The following TBC1D15 variants were observed in gnomAD, a reference collection of about 807,000 sequenced individuals.
TBC1D15 encodes GAP for RAB7.
In TBC1D15, 39 loss-of-function variants were observed where a neutral mutation model predicts 95.4. The ratio of observed to expected loss-of-function variants is 0.41; its 90% CI spans 0.32 to 0.53. The LOEUF is 0.53. Ranked by LOEUF, TBC1D15 falls within the 20% of genes least tolerant of loss-of-function variation. The pLI is 0.29. For missense variants in TBC1D15, 733 were observed against 794.3 expected (o/e 0.92, Z 0.93); for synonymous variants, 258 against 261.3 (o/e 0.99, Z 0.12).
chr12:71,889,376 A>G (rs958394953), intron 5 of TBC1D15, among the ~76,000 whole-genome samples: 11 of 152,112 alleles, frequency 7.2e-5, no homozygotes, highest in African/African-American at 2.7e-4. Flanking sequence ...GAAATGTGTA[A>G]AAACAGTGCA....
chr12:71,895,480 T>C (rs1284206524), intron 7 of TBC1D15, among the ~76,000 whole-genome samples: 1 of 152,064 alleles, frequency 6.6e-6, no homozygotes, highest in Non-Finnish European at 1.5e-5. Flanking sequence ...CTATAGAAAA[T>C]GCCGAGTGAA....
chr12:71,881,696 T>A (rs926756664), intron 4 of TBC1D15, among the ~76,000 whole-genome samples: 2 of 151,866 alleles, frequency 1.3e-5, no homozygotes, highest in Non-Finnish European at 2.9e-5. Flanking sequence ...GGCAGGCGGA[T>A]CACGAGGTCA....
Position 71,839,765 on chromosome 12 carries a change from A to G in TBC1D15, c.-17A>G. On this transcript the variant is annotated 5_prime_UTR_variant, in exon 1 of 17. Transcript: ENST00000485960. ...CGTGAGGTTCTGCTACGTCATTACC[A>G]GGCACGCGCAGGAAACATGGCGGCG... 6.2e-7 allele frequency: 1 copy of G among 1,614,132 alleles called. No individual in the cohort carries two copies. Among genetic ancestry groups the G allele is most frequent in the Non-Finnish European group, 8.5e-7 (1 of 1,180,020 alleles).
At chr12:71,865,172 A>G (rs996923143) in intron 1 of TBC1D15, among the ~76,000 whole-genome samples, 5 of 152,054 alleles carry the variant, frequency 3.3e-5, no homozygotes, top group Non-Finnish European at 5.9e-5. Flanking sequence ...TTATAAACCT[A>G]TTTTGTCATC....
intron 1 of TBC1D15, among the ~76,000 whole-genome samples, chr12:71,842,691 TGTG>T (rs1193282496): frequency 6.6e-6 from 1 of 151,530 alleles, no homozygotes; most frequent in Admixed American, 6.6e-5. Context: ...ATTAGCTAGT[TGTG>T]GTGACATGTG....
At chr12:71,848,078 CA>C (rs1383454333) in intron 1 of TBC1D15, among the ~76,000 whole-genome samples, 1 of 152,154 alleles carries the variant, frequency 6.6e-6, no homozygotes, top group South Asian at 2.1e-4. Flanking sequence ...GCCTGGGCAA[CA>C]AGAGCGAAAC....
Position 71,923,064 on chromosome 12 carries a change from G to A in TBC1D15, c.1885G>A (p.Glu629Lys), listed in dbSNP as rs375875620. ...TTPDSDVGED[E>K]NVVMTPCPTS... The stretch of plus-strand genomic sequence containing the variant: ...ACCAGATTCAGACGTTGGTGAAGAC[G>A]AAAATGTTGTCATGACTCCTTGTCC... The change falls in exon 17 of 17, where the codon GAA becomes AAA. Residue 629 changes from glutamate to lysine, a missense_variant. Physicochemically the swap from Glu to Lys is moderately conservative, Grantham distance 56. Coordinates refer to ENST00000485960, the MANE Select transcript of TBC1D15 (RefSeq NM_001146213.3). 3.1e-6 allele frequency: 5 copies of A among 1,614,198 alleles called. No individual in the cohort carries two copies. The highest frequency in any genetic ancestry group is 3.4e-6 in the Non-Finnish European group (4 of 1,180,038).
At chr12:71,906,526 T>C (rs2138885824) in intron 10 of TBC1D15, among the ~76,000 whole-genome samples, 1 of 152,228 alleles carries the variant, frequency 6.6e-6, no homozygotes, top group East Asian at 1.9e-4. Context: ...TAATTTGTCC[T>C]AAAGATGATT....
intron 1 of TBC1D15, among the ~76,000 whole-genome samples, chr12:71,860,440 T>C (rs1890131523): frequency 6.6e-6 from 1 of 152,244 alleles, no homozygotes; most frequent in Admixed American, 6.5e-5. Flanking sequence ...TTTGTAGTTA[T>C]TCTTGTACAG....
At chr12:71,861,477 T>G (rs1038670859) in intron 1 of TBC1D15, 2 of 1,538,162 alleles carry the variant, frequency 1.3e-6, no homozygotes, top group Non-Finnish European at 1.7e-6. Context: ...TCCAGTTTGT[T>G]GGAGTATGGT....
At chr12:71,916,553 G>T (rs1903752520) in intron 12 of TBC1D15, among the ~76,000 whole-genome samples, 1 of 152,104 alleles carries the variant, frequency 6.6e-6, no homozygotes, top group Admixed American at 6.6e-5. Flanking sequence ...TTTTTTTTAA[G>T]AATGAATTGT....
Position 71,923,248 on chromosome 12 carries a change from C to A in TBC1D15, c.*44C>A. ...TGGGAAGAGACACTTTGTTGCAACC[C>A]TTTTTCAAGTACTTGAAAGTTGAAA... On this transcript the variant is annotated 3_prime_UTR_variant, in exon 17 of 17. Coordinates refer to ENST00000485960, the MANE Select transcript of TBC1D15 (RefSeq NM_001146213.3). The A allele has an allele frequency of 6.3e-7, 1 of 1,586,318 alleles. No individual in the cohort carries two copies. The highest frequency in any genetic ancestry group is 8.6e-7 in the Non-Finnish European group (1 of 1,157,978).
intron 13 of TBC1D15, 26 bp from the exon 14 acceptor site, chr12:71,918,423 CAT>C (rs1904211560): frequency 5.0e-6 from 7 of 1,387,230 alleles, no homozygotes; most frequent in Admixed American, 2.0e-5. Context: ...AAGAGTAAGT[CAT>C]ATGTGTGTTT....
rs143938459 is a variant in TBC1D15, at chr12:71,915,343, C to T, written c.1401+1417C>T. Among the ~76,000 whole-genome samples, 89 of 150,870 alleles carry T rather than the reference C, an allele frequency of 5.9e-4. No homozygotes were observed. In the East Asian group the frequency reaches 0.014, roughly 24 times the overall value. Reference sequence around the variant, plus strand: ...ATATCTTGTTTCACTGGTAGCATACCAGAATTTTCCTAATGCCTGACATGA... The same window carrying T: ...ATATCTTGTTTCACTGGTAGCATACTAGAATTTTCCTAATGCCTGACATGA... On this transcript the variant is annotated intron_variant, in intron 12 of 16. Transcript: ENST00000485960.
intron 5 of TBC1D15, among the ~76,000 whole-genome samples, chr12:71,886,558 T>C (rs140809208): frequency 7.9e-5 from 12 of 152,352 alleles, no homozygotes; most frequent in Non-Finnish European, 1.6e-4. Flanking sequence ...TAAATTTAGA[T>C]TACATAAGGC....
chr12:71,874,662 G>A (rs1302273645), intron 3 of TBC1D15, among the ~76,000 whole-genome samples: 27 of 134,322 alleles, frequency 2.0e-4, no homozygotes, highest in African/African-American at 5.8e-4. Context: ...TTGCTCTGTC[G>A]CCCAGGCTGG....
intron 1 of TBC1D15, among the ~76,000 whole-genome samples, chr12:71,858,488 CTTT>C (rs57589434): frequency 7.7e-6 from 1 of 130,674 alleles, no homozygotes. Flanking sequence ...TGCTGATTTT[CTTT>C]TTTTTTTTTT....
intron 1 of TBC1D15, among the ~76,000 whole-genome samples, chr12:71,862,553 G>A (rs544934648): frequency 4.6e-5 from 7 of 152,248 alleles, no homozygotes; most frequent in East Asian, 1.9e-4. Flanking sequence ...TGAGTTTCTC[G>A]TTAGCAGCAT....
chr12:71,896,622 C>T, intron 8 of TBC1D15, 55 bp from the exon 9 acceptor site: 1 of 1,459,898 alleles, frequency 6.8e-7, no homozygotes, highest in South Asian at 1.2e-5. Flanking sequence ...GTTTTGTGAA[C>T]TTACAGTATT....
Sources: gnomAD v4.1 joint callset for allele counts (sites outside exome capture counted in the v4.1 genomes callset) on GRCh38, gnomAD v4.1.1 for gene constraint, MANE v1.5 for transcripts, NCBI Gene and HGNC (gene_info 2026-07-23, HGNC 2026-07-21) for gene names.